The following MOB3B variants were observed in gnomAD, a reference collection of about 807,000 sequenced individuals.
MOB3B encodes the protein MOB kinase activator-like 2B.
Under a neutral mutation model 18.7 loss-of-function variants are expected in MOB3B, and 7 were observed. The ratio of observed to expected loss-of-function variants is 0.37; its 90% CI spans 0.21 to 0.70. The LOEUF (loss-of-function observed/expected upper bound fraction) is 0.70, where lower values mean the gene tolerates loss of function less well. Among genes scored for constraint, MOB3B ranks in the 30% least tolerant of loss-of-function variants. The probability of loss-of-function intolerance (pLI) is 0.52; values close to 1 mark genes in which losing one functional copy is unlikely to be tolerated. For synonymous variants in MOB3B, 111 were observed against 99.9 expected, an observed-to-expected ratio of 1.11 and a Z score of -0.66; for missense variants, 253 against 281.3, an observed-to-expected ratio of 0.90 and a Z score of 0.72.
chr9:27,418,556 C>T (rs1332321394), intron 2 of MOB3B, among the ~76,000 whole-genome samples: 2 of 152,104 alleles, frequency 1.3e-5, no homozygotes, highest in African/African-American at 4.8e-5. Context: ...AAATGTGATA[C>T]ACATAAACAG....
At chr9:27,352,521 G>C (rs372429173) in intron 3 of MOB3B, among the ~76,000 whole-genome samples, 3 of 152,108 alleles carry the variant, frequency 2.0e-5, no homozygotes, top group Non-Finnish European at 4.4e-5. Flanking sequence ...AGAATTCCAC[G>C]AAGGGGTGTC....
chr9:27,391,912 A>T (rs1437770008), intron 2 of MOB3B, among the ~76,000 whole-genome samples: 1 of 152,266 alleles, frequency 6.6e-6, no homozygotes, highest in Non-Finnish European at 1.5e-5. Flanking sequence ...ATAGATGTAG[A>T]AATCTCATAT....
chr9:27,388,675 C>T (rs776636419), intron 2 of MOB3B, among the ~76,000 whole-genome samples: 3 of 152,202 alleles, frequency 2.0e-5, no homozygotes, highest in East Asian at 1.9e-4. Context: ...TCTGAGTCTT[C>T]GGAGATGATT....
intron 3 of MOB3B, among the ~76,000 whole-genome samples, chr9:27,357,121 A>T (rs1444513752): frequency 1.6e-5 from 1 of 62,896 alleles, no homozygotes; most frequent in Non-Finnish European, 3.4e-5. Flanking sequence ...GAGTAATGCA[A>T]ATATATATAT....
chr9:27,350,051 A>G (rs997590040), intron 3 of MOB3B, among the ~76,000 whole-genome samples: 2 of 152,234 alleles, frequency 1.3e-5, no homozygotes, highest in Non-Finnish European at 2.9e-5. Context: ...GCCACTAGAC[A>G]TGTGGCTTTT....
At chr9:27,382,361 G>A (rs1821590494) in intron 2 of MOB3B, among the ~76,000 whole-genome samples, 1 of 152,236 alleles carries the variant, frequency 6.6e-6, no homozygotes, top group Middle Eastern at 3.4e-3. Context: ...TAAAGCCCCA[G>A]GTTCCCCTTA....
Position 27,360,608 on chromosome 9 carries a change from G to A in MOB3B, c.419-1372C>T, listed in dbSNP as rs111726644. 6.0e-3 allele frequency among the ~76,000 whole-genome samples: 911 copies of A among 152,286 alleles called. 6 individuals are homozygous for A. The highest frequency in any genetic ancestry group is 0.011 in the Admixed American group (167 of 15,296). On this transcript the variant is annotated intron_variant, in intron 2 of 3. Coordinates refer to ENST00000262244, the MANE Select transcript of MOB3B (RefSeq NM_024761.5). Reference sequence around the variant, plus strand: ...TCAGCAAAATTGTAGAACTATGCACGGCACATGCCCCAAGTCCCCAGGAAG... The same window carrying A: ...TCAGCAAAATTGTAGAACTATGCACAGCACATGCCCCAAGTCCCCAGGAAG...
chr9:27,333,111 G>A (rs985431916), intron 3 of MOB3B, among the ~76,000 whole-genome samples: 2 of 151,538 alleles, frequency 1.3e-5, no homozygotes, highest in African/African-American at 4.9e-5. Flanking sequence ...ATATGGCAGA[G>A]TTTTTTTTTA....
intron 2 of MOB3B, among the ~76,000 whole-genome samples, chr9:27,370,526 A>G (rs1022310684): frequency 2.6e-5 from 4 of 151,746 alleles, no homozygotes; most frequent in African/African-American, 9.7e-5. Flanking sequence ...AAAAAAAGAA[A>G]AAAAGAGGGT....
chr9:27,498,488 A>G (rs1186720699), intron 1 of MOB3B, among the ~76,000 whole-genome samples: 2 of 152,202 alleles, frequency 1.3e-5, no homozygotes, highest in African/African-American at 2.4e-5. Flanking sequence ...CTTTGGACAA[A>G]CTTAAAAGAA....
At chr9:27,426,258 T>A (rs1265751417) in intron 2 of MOB3B, among the ~76,000 whole-genome samples, 1 of 152,216 alleles carries the variant, frequency 6.6e-6, no homozygotes, top group East Asian at 1.9e-4. Context: ...TAAAGTCATG[T>A]ACATTGAGTG....
intron 2 of MOB3B, among the ~76,000 whole-genome samples, chr9:27,408,190 G>A (rs1822015335): frequency 1.3e-5 from 2 of 152,304 alleles, no homozygotes; most frequent in East Asian, 1.9e-4. Flanking sequence ...CATGAAAGCT[G>A]CATGGTTTAA....
At chr9:27,429,278 C>T (rs1225158427) in intron 2 of MOB3B, among the ~76,000 whole-genome samples, 1 of 152,080 alleles carries the variant, frequency 6.6e-6, no homozygotes, top group Non-Finnish European at 1.5e-5. Flanking sequence ...TGAAATATGG[C>T]CATCAAAACA....
chr9:27,423,819 A>C (rs943358224), intron 2 of MOB3B, among the ~76,000 whole-genome samples: 2 of 152,260 alleles, frequency 1.3e-5, no homozygotes, highest in Non-Finnish European at 2.9e-5. Flanking sequence ...GAAAGTATCA[A>C]TTATTTAGCT....
chr9:27,421,129 T>A (rs1301011019), intron 2 of MOB3B: 3 of 153,258 alleles, frequency 2.0e-5, no homozygotes, highest in Non-Finnish European at 4.3e-5. Flanking sequence ...TCGCTCTTGT[T>A]GCCCAGGCTG....
chr9:27,359,003 T>G (rs2131356088), intron 3 of MOB3B, 31 bp downstream of exon 3: 2 of 1,607,380 alleles, frequency 1.2e-6, no homozygotes, highest in East Asian at 4.5e-5. Flanking sequence ...CTGGGGTGAC[T>G]TGGATACCAT....
Position 27,459,489 on chromosome 9 carries a change from T to A in MOB3B, c.-198-3741A>T, listed in dbSNP as rs556678954. ...ATTTTAACAAAATCTCAAAAGTATA[T>A]GATCTGAGAAGTGCTGGGTTGGAGG... is the stretch of plus-strand genomic sequence containing the variant. On this transcript the variant is annotated intron_variant, in intron 1 of 3. Transcript: ENST00000262244. Among the ~76,000 whole-genome samples, 5 of 152,250 alleles carry A rather than the reference T, an allele frequency of 3.3e-5. No individual in the cohort carries two copies. The South Asian group carries it at 1.0e-3, about 32-fold the overall frequency.
At chr9:27,471,626 T>C (rs1382267203) in intron 1 of MOB3B, among the ~76,000 whole-genome samples, 1 of 152,218 alleles carries the variant, frequency 6.6e-6, no homozygotes, top group Admixed American at 6.5e-5. Flanking sequence ...GGAGATAAAA[T>C]ATCCATCTCA....
At chr9:27,477,454 A>G (rs1055979608) in intron 1 of MOB3B, among the ~76,000 whole-genome samples, 3 of 152,168 alleles carry the variant, frequency 2.0e-5, no homozygotes, top group African/African-American at 7.2e-5. Flanking sequence ...AGCTGATTTT[A>G]CTATATGTTT....
Sources: allele counts gnomAD v4.1 joint callset (sites outside exome capture counted in the v4.1 genomes callset), GRCh38; gene constraint gnomAD v4.1.1; transcripts MANE v1.5; gene names NCBI Gene and HGNC (gene_info 2026-07-23, HGNC 2026-07-21).